Variants in HHIP observed in about 807,000 individuals in gnomAD.
The protein encoded by HHIP is hedgehog-interacting protein.
A neutral mutation model predicts 74.0 loss-of-function variants in HHIP; 12 were observed. The observed-to-expected ratio is 0.16, with a 90% confidence interval of 0.10 to 0.26. The LOEUF (loss-of-function observed/expected upper bound fraction) is 0.26. HHIP is among the 10% of genes least tolerant of loss of function. The pLI is 1.00. For missense variants in HHIP, 788 were observed against 845.0 expected, an observed-to-expected ratio of 0.93 and a Z score of 0.84; for synonymous variants, 309 against 311.6, an observed-to-expected ratio of 0.99 and a Z score of 0.09.
chr4:144,710,809 A>C (rs1169276174), intron 7 of HHIP, among the ~76,000 whole-genome samples: 1 of 152,216 alleles, frequency 6.6e-6, no homozygotes, highest in Non-Finnish European at 1.5e-5. Context: ...CCCCAGACAA[A>C]AAATTACCTG....
chr4:144,685,642 G>A (rs1414344851), intron 4 of HHIP: 1 of 151,982 alleles, frequency 6.6e-6, no homozygotes, highest in African/African-American at 2.4e-5. Context: ...TCACGTGGCT[G>A]TCACTATAGA....
chr4:144,662,208 T>A (rs1728734301), intron 4 of HHIP, among the ~76,000 whole-genome samples: 1 of 152,188 alleles, frequency 6.6e-6, no homozygotes, highest in African/African-American at 2.4e-5. Flanking sequence ...AAGGCTGACC[T>A]TTTTTAAGGC....
chr4:144,652,399 C>T (rs911801242), intron 1 of HHIP, among the ~76,000 whole-genome samples: 1 of 152,102 alleles, frequency 6.6e-6, no homozygotes, highest in East Asian at 1.9e-4. Flanking sequence ...TTTATGTATC[C>T]CTGTCCTTTG....
intron 11 of HHIP, among the ~76,000 whole-genome samples, chr4:144,719,248 G>A (rs188358715): frequency 5.9e-5 from 9 of 152,276 alleles, no homozygotes; most frequent in Middle Eastern, 3.4e-3. Context: ...GGGCCCTGAC[G>A]TGTGAGGCAG....
chr4:144,695,126 ACAAG>A lies in HHIP; in HGVS notation c.832-11404_832-11401del, dbSNP rs141505996. Among the ~76,000 whole-genome samples the A allele has an allele frequency of 4.3e-3, 652 of 151,958 alleles. 5 individuals carry two copies. The highest frequency in any genetic ancestry group is 0.015 in the African/African-American group (637 of 41,546). On this transcript the variant is annotated intron_variant, in intron 4 of 12. Coordinates refer to ENST00000296575, the MANE Select transcript of HHIP (RefSeq NM_022475.3). ...TCCAAAGGAAATACTTGCTTTTCTAACAAGATTTGCTTGATATTTGTCAGTTTAA... is the reference window on the plus strand; with the variant it reads ...TCCAAAGGAAATACTTGCTTTTCTAAATTTGCTTGATATTTGTCAGTTTAA...
At chr4:144,652,473 C>T (rs1728449735) in intron 1 of HHIP, 132 bp from the exon 2 acceptor site, 8 of 625,366 alleles carry the variant, frequency 1.3e-5, no homozygotes, top group Non-Finnish European at 2.3e-5. Context: ...TATTGTGACA[C>T]AGTAATTCTT....
In HHIP at chr4:144,715,382, A is replaced by C. The variant is rs201251893; in HGVS notation, c.1630A>C (p.Arg544=). Residue 544 remains arginine, a synonymous_variant, in exon 10 of 13, where the codon AGA becomes CGA. Transcript: ENST00000296575. ...PLCLGTSGSC[R]GYFSGHILGF... The stretch of plus-strand genomic sequence containing the variant: ...CTGTCTCGGCACTAGTGGGTCCTGT[A>C]GAGGCTACTTTTCCGGTCACATCTT... 6.2e-7 allele frequency: 1 copy of C among 1,613,590 alleles called. No homozygotes were observed.
chr4:144,680,667 T>C (rs1372426814), intron 4 of HHIP, among the ~76,000 whole-genome samples: 1 of 152,226 alleles, frequency 6.6e-6, no homozygotes, highest in African/African-American at 2.4e-5. Flanking sequence ...AATTCATTCA[T>C]TCATTGCGAG....
At chr4:144,711,387 T>C (rs1246269570) in intron 7 of HHIP, among the ~76,000 whole-genome samples, 1 of 152,154 alleles carries the variant, frequency 6.6e-6, no homozygotes, top group Non-Finnish European at 1.5e-5. Flanking sequence ...GTTTCTTACA[T>C]AGGTTTACAT....
rs1731275833 is a variant in HHIP at position 144,742,085 on chromosome 4, A to G, written c.*4128A>G. 1 of 152,000 alleles carries G rather than the reference A, an allele frequency of 6.6e-6. No homozygotes were observed. The highest frequency in any genetic ancestry group is 6.6e-5 in the Admixed American group (1 of 15,264). 9.4% of individuals were successfully genotyped at this position (152,000 alleles called of 1,614,324 possible). Reference sequence around the variant, plus strand: ...TACACACACACACACACATACATACATACATACATATATTCTTTTTCCTTT... The same window carrying G: ...TACACACACACACACACATACATACGTACATACATATATTCTTTTTCCTTT... On this transcript the variant is annotated 3_prime_UTR_variant, in exon 13 of 13. Transcript: ENST00000296575.
chr4:144,686,679 G>C (rs1435334737), intron 4 of HHIP, among the ~76,000 whole-genome samples: 10 of 152,138 alleles, frequency 6.6e-5, no homozygotes, highest in Non-Finnish European at 1.3e-4. Context: ...AGACTTTTAA[G>C]TTAAAGACTT....
rs6537310 is a variant in HHIP at position 144,715,580 on chromosome 4, T to G, written c.1678+150T>G. ...AGATGACCTACTCCAGAGATTAAGA[T>G]AGTCCAGTTACATATTCTCTACCAG... On this transcript the variant is annotated intron_variant, in intron 10 of 12. Coordinates refer to ENST00000296575, the MANE Select transcript of HHIP (RefSeq NM_022475.3). 4 of 624,144 alleles carry G rather than the reference T, an allele frequency of 6.4e-6. No homozygotes were observed. In the Admixed American group the frequency reaches 1.2e-4, roughly 19 times the overall value. 38.7% of individuals were successfully genotyped at this position (624,144 alleles called of 1,614,324 possible).
rs546611720 is a variant in HHIP, at chr4:144,646,463, G to C, written c.-213G>C. ...TCCGCACAACTTTATCTCGCTCCTC[G>C]GGCTCCCCTAAGGCATTGGACCCAT... On this transcript the variant is annotated 5_prime_UTR_variant, in exon 1 of 13. Transcript: ENST00000296575. 1 of 498,128 alleles carries C rather than the reference G, an allele frequency of 2.0e-6. No individual in the cohort carries two copies. The highest frequency in any genetic ancestry group is 3.7e-5 in the South Asian group (1 of 27,356). 30.9% of individuals were successfully genotyped at this position (498,128 alleles called of 1,614,324 possible). A position where few individuals can be genotyped will look rare whatever the true frequency, so the allele number is the denominator to read the frequency against.
rs142143551 is a variant in HHIP at position 144,686,351 on chromosome 4, C to T, written c.832-20180C>T. ...TGAGAAGCAGTCTTTGGGGAAAATG[C>T]TGCAAAGATTTTAAAAACTCCGTAG... On this transcript the variant is annotated intron_variant, in intron 4 of 12. Transcript: ENST00000296575. Among the ~76,000 whole-genome samples the T allele has an allele frequency of 1.8e-4, 27 of 152,006 alleles. No homozygotes were observed. The East Asian group carries it at 4.8e-3, about 27-fold the overall frequency.
At chr4:144,672,094 A>T (rs1190309656) in intron 4 of HHIP, among the ~76,000 whole-genome samples, 1 of 152,230 alleles carries the variant, frequency 6.6e-6, no homozygotes. Flanking sequence ...TATGGAAAAG[A>T]TAAGGGTTCA....
At chr4:144,716,384 T>C (rs1730444258) in intron 10 of HHIP, among the ~76,000 whole-genome samples, 1 of 152,142 alleles carries the variant, frequency 6.6e-6, no homozygotes, top group Admixed American at 6.6e-5. Context: ...AATATAACAA[T>C]TCAAAGAAGA....
chr4:144,742,961 TAAG>T lies in HHIP; in HGVS notation c.*5006_*5008del, dbSNP rs1201503835. 3.9e-3 allele frequency: 18 copies of T among 4,616 alleles called. No individual in the cohort carries two copies. Among genetic ancestry groups the T allele is most frequent in the East Asian group, 0.33 (2 of 6 alleles). 0.3% of individuals were successfully genotyped at this position (4,616 alleles called of 1,614,324 possible). On this transcript the variant is annotated 3_prime_UTR_variant, in exon 13 of 13. Coordinates refer to ENST00000296575, the MANE Select transcript of HHIP (RefSeq NM_022475.3). ...ATCTTATATATATATCTTATACATA[TAAG>T]ATATATGTATATATATATACATTAT...
At chr4:144,737,733 GTGTGA>G in intron 12 of HHIP, 26 bp from the exon 13 acceptor site, 1 of 1,557,990 alleles carries the variant, frequency 6.4e-7, no homozygotes, top group Middle Eastern at 1.7e-4. Context: ...CAGAATGAGA[GTGTGA>G]TGTTCTTGCT....
At chr4:144,703,996 G>A (rs1421802062) in intron 4 of HHIP, among the ~76,000 whole-genome samples, 1 of 152,184 alleles carries the variant, frequency 6.6e-6, no homozygotes, top group Non-Finnish European at 1.5e-5. Context: ...ACATAATTCT[G>A]AAGTCTAATT....
Sources: allele counts gnomAD v4.1 joint callset (sites outside exome capture counted in the v4.1 genomes callset), GRCh38; gene constraint gnomAD v4.1.1; transcripts MANE v1.5; gene names NCBI Gene and HGNC (gene_info 2026-07-23, HGNC 2026-07-21).